The following GALNT11 variants were observed in gnomAD, a reference collection of about 807,000 sequenced individuals.
GALNT11 encodes UDP-GalNAc:polypeptide N-acetylgalactosaminyltransferase 11.
In GALNT11, 47 loss-of-function variants were observed where a neutral mutation model predicts 72.7. The observed-to-expected ratio is 0.65, with a 90% CI of 0.51 to 0.82. The LOEUF (loss-of-function observed/expected upper bound fraction) is 0.82. Among genes scored for constraint, GALNT11 ranks in the 40% least tolerant of loss-of-function variants. The pLI is 0.00. For synonymous variants in GALNT11, 270 were observed against 286.6 expected, an observed-to-expected ratio of 0.94 and a Z score of 0.58; for missense variants, 677 against 778.4, an observed-to-expected ratio of 0.87 and a Z score of 1.55.
rs2086262598 is a variant in GALNT11, at chr7:152,094,656, G to A, written c.295+134G>A. 1 of 1,011,982 alleles carries A rather than the reference G, an allele frequency of 9.9e-7. No homozygotes were observed. The highest frequency in any genetic ancestry group is 1.6e-5 in the African/African-American group (1 of 60,904). 62.7% of individuals were successfully genotyped at this position (1,011,982 alleles called of 1,614,324 possible). ...GATTTATTTTGTTTGTGAACTACCT[G>A]AAGTTCTGTGGTTTCTGCAGACTCA... On this transcript the variant is annotated intron_variant, in intron 2 of 11. Coordinates refer to ENST00000430044, the MANE Select transcript of GALNT11 (RefSeq NM_022087.4). The surrounding 1 kb of genome is among the most constrained non-coding windows in gnomAD (Gnocchi z 4.3).
Position 152,121,571 on chromosome 7 carries a change from C to T in GALNT11, c.1721C>T (p.Ser574Leu), listed in dbSNP as rs374111522. 2.5e-6 allele frequency: 4 copies of T among 1,613,304 alleles called. No homozygotes were observed. The highest frequency in any genetic ancestry group is 1.7e-6 in the Non-Finnish European group (2 of 1,179,766). Residue 574 changes from serine (S) to leucine (L), a missense_variant, in exon 12 of 12, where the codon TCG becomes TTG. Coordinates refer to ENST00000430044, the MANE Select transcript of GALNT11 (RefSeq NM_022087.4). ...FGKNNRLYQV[S>L]VGQCLRAVDP... Reference sequence around the variant, plus strand: ...AAAAACAATCGGCTATACCAGGTGTCGGTTGGACAGTGCCTGAGAGCAGTG... The same window carrying T: ...AAAAACAATCGGCTATACCAGGTGTTGGTTGGACAGTGCCTGAGAGCAGTG...
chr7:152,069,718 T>A (rs1224568863), intron 1 of GALNT11, among the ~76,000 whole-genome samples: 2 of 152,220 alleles, frequency 1.3e-5, no homozygotes, highest in East Asian at 3.8e-4. Flanking sequence ...TTACAATTAC[T>A]CCAGCTTTCT....
At chr7:152,078,614 A>C (rs1051508204) in intron 1 of GALNT11, among the ~76,000 whole-genome samples, 4 of 152,232 alleles carry the variant, frequency 2.6e-5, no homozygotes, top group African/African-American at 9.6e-5. Context: ...AAAGTTTTCC[A>C]CTTCTAAGTA....
intron 1 of GALNT11, among the ~76,000 whole-genome samples, chr7:152,089,281 CA>C (rs1005808526): frequency 2.9e-4 from 44 of 151,922 alleles, no homozygotes; most frequent in African/African-American, 1.0e-3. Flanking sequence ...AAAGATATCT[CA>C]AAAAAACAAT....
Position 152,091,113 on chromosome 7 carries a change from T to C in GALNT11, c.-38-3077T>C, listed in dbSNP as rs548184270. ...CCCAAGCTGGAATGCAGTGGTGCGA[T>C]CTCGGCTCACTGCAACCTCTGCTCC... On this transcript the variant is annotated intron_variant, in intron 1 of 11. Transcript: ENST00000430044. Among the ~76,000 whole-genome samples the C allele has an allele frequency of 9.9e-4, 107 of 108,206 alleles. 1 individual carries two copies. The highest frequency in any genetic ancestry group is 3.9e-3 in the African/African-American group (104 of 26,968). The allele number at this position is 108,206 out of a possible 152,430, so 71.0% of individuals were successfully genotyped here. A position where few individuals can be genotyped will look rare whatever the true frequency, so the allele number is the denominator to read the frequency against.
At chr7:152,039,945 A>G (rs1296634234) in intron 1 of GALNT11, among the ~76,000 whole-genome samples, 1 of 152,088 alleles carries the variant, frequency 6.6e-6, no homozygotes, top group African/African-American at 2.4e-5. Flanking sequence ...AAAGTTAAGA[A>G]TGCTAGATTC....
At chr7:152,083,558 G>C (rs888008066) in intron 1 of GALNT11, among the ~76,000 whole-genome samples, 7 of 151,906 alleles carry the variant, frequency 4.6e-5, no homozygotes, top group African/African-American at 1.7e-4. Flanking sequence ...CTGTCTGTGC[G>C]TGGGCCCTGC....
intron 2 of GALNT11, among the ~76,000 whole-genome samples, chr7:152,100,094 A>C (rs1275559185): frequency 6.7e-6 from 1 of 150,152 alleles, no homozygotes; most frequent in Non-Finnish European, 1.5e-5. Context: ...AGCTCTTTTT[A>C]TGGAAAAGCT....
At chr7:152,101,019 C>G in intron 3 of GALNT11, 98 bp downstream of exon 3, 1 of 1,473,002 alleles carries the variant, frequency 6.8e-7, no homozygotes. Context: ...TTTCCCAATG[C>G]AGCGTCTTTA....
intron 1 of GALNT11, among the ~76,000 whole-genome samples, chr7:152,038,382 A>G (rs896522839): frequency 6.6e-6 from 1 of 152,266 alleles, no homozygotes; most frequent in African/African-American, 2.4e-5. Flanking sequence ...TACCTGCAGC[A>G]TAAGTATGTC....
chr7:152,028,110 A>T (rs76030055), intron 1 of GALNT11, among the ~76,000 whole-genome samples: 1 of 152,142 alleles, frequency 6.6e-6, no homozygotes, highest in Non-Finnish European at 1.5e-5. Context: ...GAGCAGCAGC[A>T]AGATTTATTG....
At chr7:152,042,613 C>T (rs957209636) in intron 1 of GALNT11, among the ~76,000 whole-genome samples, 2 of 152,122 alleles carry the variant, frequency 1.3e-5, no homozygotes, top group Admixed American at 6.5e-5. Context: ...CCACTTGAAG[C>T]GGTTCCTTCA....
intron 2 of GALNT11, among the ~76,000 whole-genome samples, chr7:152,096,714 C>CAAAAAAAAAAAAAA (rs768326363): frequency 1.7e-5 from 1 of 60,098 alleles, no homozygotes; most frequent in Non-Finnish European, 3.8e-5. Context: ...GACTCTGTCT[C>CAAAAAAAAAAAAAA]AAAAAAAAAA....
intron 1 of GALNT11, among the ~76,000 whole-genome samples, chr7:152,090,016 G>GT (rs1159221346): frequency 6.6e-6 from 1 of 152,170 alleles, no homozygotes; most frequent in Non-Finnish European, 1.5e-5. Flanking sequence ...TTTCTGTGGA[G>GT]TTTAGGCCCT....
intron 8 of GALNT11, among the ~76,000 whole-genome samples, chr7:152,113,753 T>C (rs902593564): frequency 8.0e-5 from 6 of 74,770 alleles, no homozygotes; most frequent in Admixed American, 3.3e-4. Context: ...TTTTTTTTTT[T>C]TGAGACAGGG....
chr7:152,034,891 C>T (rs967455402), intron 1 of GALNT11, among the ~76,000 whole-genome samples: 4 of 152,006 alleles, frequency 2.6e-5, no homozygotes, highest in Admixed American at 1.3e-4. Context: ...CAAAGAGGAC[C>T]GAGAAAAATT....
intron 1 of GALNT11, among the ~76,000 whole-genome samples, chr7:152,038,498 G>A (rs191032245): frequency 4.1e-4 from 63 of 152,306 alleles, no homozygotes; most frequent in Middle Eastern, 3.4e-3. Flanking sequence ...CCGGTAAACC[G>A]ACAACCTTCC....
At chr7:152,047,840 A>G (rs538181750) in intron 1 of GALNT11, among the ~76,000 whole-genome samples, 4 of 150,906 alleles carry the variant, frequency 2.7e-5, no homozygotes, top group Admixed American at 6.6e-5. Flanking sequence ...GTTTCTATTT[A>G]TATCTTATTG....
At chr7:152,058,233 C>T (rs903132161) in intron 1 of GALNT11, among the ~76,000 whole-genome samples, 1 of 152,128 alleles carries the variant, frequency 6.6e-6, no homozygotes, top group Non-Finnish European at 1.5e-5. Flanking sequence ...ATCATCTGAG[C>T]CTTCAGTGAG....
Sources: allele counts gnomAD v4.1 joint callset (sites outside exome capture counted in the v4.1 genomes callset), GRCh38; gene constraint gnomAD v4.1.1; non-coding constraint Gnocchi (gnomAD v3.1); transcripts MANE v1.5; gene names NCBI Gene and HGNC (gene_info 2026-07-23, HGNC 2026-07-21).